ATP10A: variants seen among roughly 807,000 people sequenced by gnomAD.
ATP10A encodes ATPase phospholipid transporting 10A (putative), also known as phospholipid-transporting ATPase VA.
Under a neutral mutation model 147.8 loss-of-function variants are expected in ATP10A, and 111 were observed. That is an observed-to-expected ratio of 0.75 (90% CI 0.64 to 0.88). The LOEUF (loss-of-function observed/expected upper bound fraction) is 0.88. ATP10A is among the 40% of genes least tolerant of loss of function. ATP10A has a pLI of 0.00. For synonymous variants in ATP10A, 875 were observed against 841.6 expected (o/e 1.04, Z -0.69); for missense variants, 1,927 against 1,959.0 (o/e 0.98, Z 0.31).
intron 12 of ATP10A, among the ~76,000 whole-genome samples, chr15:25,706,850 G>A (rs1484941351): frequency 1.3e-5 from 2 of 152,204 alleles, no homozygotes; most frequent in African/African-American, 2.4e-5. Context: ...GGGCGGGCAC[G>A]TCTGGGACAA....
At chr15:25,830,935 G>A (rs61327664) in intron 1 of ATP10A, among the ~76,000 whole-genome samples, 33,324 of 152,130 alleles carry the variant, frequency 0.22, 3,715 homozygotes, top group South Asian at 0.25. Context: ...AGAGTGGGAC[G>A]GCAATACTTC....
chr15:25,750,430 C>A (rs1458867157), intron 2 of ATP10A, among the ~76,000 whole-genome samples: 1 of 151,834 alleles, frequency 6.6e-6, no homozygotes, highest in African/African-American at 2.4e-5. Context: ...ACCCACAGAT[C>A]CATACCAGAA....
intron 9 of ATP10A, among the ~76,000 whole-genome samples, chr15:25,716,150 T>TCCCCATGG (rs920138920): frequency 1.3e-5 from 2 of 152,092 alleles, no homozygotes; most frequent in African/African-American, 4.8e-5. Flanking sequence ...CCATAAATCC[T>TCCCCATGG]CCCCATGGCC....
chr15:25,721,864 C>T lies in ATP10A; in HGVS notation c.1156G>A (p.Ala386Thr). ...TGGTTAATGAAGTACACTTGGCATG[C>T]TTTAACAATTTCAATGGAAACGTAT... ...SLYVSIEIVK[A>T]CQVYFINQDM... is the part of the protein sequence containing the mutation. The change falls in exon 7 of 21, where the codon GCA becomes ACA. Residue 386 changes from alanine to threonine, a missense_variant. By Grantham distance (58) the Ala-to-Thr change is moderately conservative. Transcript: ENST00000555815. The T allele has an allele frequency of 6.2e-7, 1 of 1,613,548 alleles. No individual in the cohort carries two copies. The highest frequency in any genetic ancestry group is 8.5e-7 in the Non-Finnish European group (1 of 1,179,650).
chr15:25,808,835 G>C (rs1004985756), intron 1 of ATP10A, among the ~76,000 whole-genome samples: 1 of 152,292 alleles, frequency 6.6e-6, no homozygotes, highest in East Asian at 1.9e-4. Flanking sequence ...AGGGAACCTG[G>C]AGCAGCTCCT....
chr15:25,721,562 G>A (rs1213899690), intron 7 of ATP10A, 95 bp downstream of exon 7: 6 of 1,174,328 alleles, frequency 5.1e-6, no homozygotes, highest in Non-Finnish European at 3.7e-6. Flanking sequence ...GTGTGTGTGT[G>A]TGTGTGTGTG....
intron 12 of ATP10A, among the ~76,000 whole-genome samples, 189 bp from the exon 13 acceptor site, chr15:25,702,289 T>G (rs559674086): frequency 1.3e-5 from 2 of 152,316 alleles, no homozygotes; most frequent in Non-Finnish European, 1.5e-5. Context: ...TGTGGAACCA[T>G]TTCAGGACAG....
chr15:25,845,290 A>T (rs1034274599), intron 1 of ATP10A, among the ~76,000 whole-genome samples: 7 of 151,658 alleles, frequency 4.6e-5, no homozygotes, highest in African/African-American at 1.7e-4. Context: ...AAGCCTTCAA[A>T]ATCAGGAAAT....
chr15:25,703,599 C>T (rs956355185), intron 12 of ATP10A, among the ~76,000 whole-genome samples: 1 of 152,184 alleles, frequency 6.6e-6, no homozygotes, highest in Non-Finnish European at 1.5e-5. Context: ...CCACCCTTAC[C>T]CCTTCTTCTA....
chr15:25,798,388 C>T (rs1473878414), intron 1 of ATP10A, among the ~76,000 whole-genome samples: 4 of 152,184 alleles, frequency 2.6e-5, no homozygotes, highest in African/African-American at 9.6e-5. Flanking sequence ...CCCCCTGCCC[C>T]AGGCAGTCTG....
intron 1 of ATP10A, among the ~76,000 whole-genome samples, chr15:25,807,163 G>A (rs1891224486): frequency 6.6e-6 from 1 of 152,338 alleles, no homozygotes; most frequent in South Asian, 2.1e-4. Context: ...TCCCCTGGTG[G>A]CATCCTTACG....
chr15:25,775,498 A>G (rs955603409), intron 2 of ATP10A, among the ~76,000 whole-genome samples: 7 of 152,228 alleles, frequency 4.6e-5, no homozygotes, highest in African/African-American at 1.4e-4. Context: ...CTGTGAAGGT[A>G]CGTGTTTAAG....
intron 2 of ATP10A, among the ~76,000 whole-genome samples, chr15:25,750,501 C>G (rs929124292): frequency 2.6e-5 from 4 of 152,040 alleles, no homozygotes; most frequent in Non-Finnish European, 2.9e-5. Flanking sequence ...TTTGGATCTA[C>G]ACAAAAGAAT....
intron 2 of ATP10A, among the ~76,000 whole-genome samples, chr15:25,769,238 G>A (rs1889202859): frequency 1.3e-5 from 2 of 152,076 alleles, no homozygotes; most frequent in African/African-American, 4.8e-5. Flanking sequence ...TGTAATCCCA[G>A]CACTTTGGGA....
At chr15:25,807,383 T>C (rs1406326578) in intron 1 of ATP10A, among the ~76,000 whole-genome samples, 3 of 152,254 alleles carry the variant, frequency 2.0e-5, no homozygotes, top group African/African-American at 7.2e-5. Context: ...GGCCTCAAGA[T>C]ATATTAAAGT....
rs999417377 is a variant in ATP10A, at chr15:25,815,602, T to G, written c.450-34379A>C. Among the ~76,000 whole-genome samples the G allele has an allele frequency of 6.0e-4, 6 of 9,990 alleles. No homozygotes were observed. The East Asian group carries it at 0.021, about 35-fold the overall frequency. The allele number at this position is 9,990 out of a possible 152,430, so 6.6% of individuals were successfully genotyped here. ...CTAAAGAGCAAAGAAACTTAAGAGT[T>G]CACCTCTCGCAACTGTTACCCATCA... On this transcript the variant is annotated intron_variant, in intron 1 of 20. Coordinates refer to ENST00000555815, the MANE Select transcript of ATP10A (RefSeq NM_024490.4).
In ATP10A at chr15:25,842,741, T is replaced by C. The variant is rs567970338; in HGVS notation, c.449+19907A>G. ...TCAAGCAGACTTTTTTTTTTTGAGA[T>C]AGAATTTCACTCTGTCACTCACAGT... On this transcript the variant is annotated intron_variant, in intron 1 of 20. Transcript: ENST00000555815. Among the ~76,000 whole-genome samples, 18 of 152,122 alleles carry C rather than the reference T, an allele frequency of 1.2e-4. 2 individuals are homozygous for C. In the South Asian group the frequency reaches 3.7e-3, roughly 32 times the overall value.
intron 9 of ATP10A, 26 bp from the exon 10 acceptor site, chr15:25,714,267 G>C: frequency 6.3e-7 from 1 of 1,596,542 alleles, no homozygotes; most frequent in Non-Finnish European, 8.5e-7. Flanking sequence ...TCAGAAGGCA[G>C]GTGAGGGAAC....
chr15:25,818,790 A>T (rs1220357598), intron 1 of ATP10A, among the ~76,000 whole-genome samples: 2 of 152,184 alleles, frequency 1.3e-5, no homozygotes, highest in Non-Finnish European at 2.9e-5. Flanking sequence ...GAACACTGAT[A>T]CATTCAACTG....
Sources: gnomAD v4.1 joint callset for allele counts (sites outside exome capture counted in the v4.1 genomes callset) on GRCh38, gnomAD v4.1.1 for gene constraint, MANE v1.5 for transcripts, NCBI Gene and HGNC (gene_info 2026-07-23, HGNC 2026-07-21) for gene names.